Variants in KCNIP1 observed in about 807,000 individuals in gnomAD.
KCNIP1 encodes the protein A-type potassium channel modulatory protein KCNIP1.
KCNIP1 carries 18 observed loss-of-function variants against 33.0 expected under a neutral mutation model. The ratio of observed to expected loss-of-function variants is 0.55; its 90% confidence interval spans 0.38 to 0.81. The LOEUF is 0.81. Among genes scored for constraint, KCNIP1 ranks in the 30% least tolerant of loss-of-function variants. The pLI is 0.00. For missense variants in KCNIP1, 238 were observed against 271.6 expected (o/e 0.88, Z 0.87); for synonymous variants, 93 against 98.3 (o/e 0.95, Z 0.32).
At chr5:170,494,126 C>T (rs1757264327) in intron 1 of KCNIP1, among the ~76,000 whole-genome samples, 1 of 152,204 alleles carries the variant, frequency 6.6e-6, no homozygotes, top group Non-Finnish European at 1.5e-5. Flanking sequence ...CACTCAGTAG[C>T]CTTGATTCCC....
chr5:170,514,235 G>A (rs1439749011), intron 1 of KCNIP1, among the ~76,000 whole-genome samples: 1 of 152,198 alleles, frequency 6.6e-6, no homozygotes, highest in Non-Finnish European at 1.5e-5. Flanking sequence ...GGATGTTCTG[G>A]TGGAGACCAT....
intron 1 of KCNIP1, among the ~76,000 whole-genome samples, chr5:170,529,094 G>A (rs1459167478): frequency 1.3e-5 from 2 of 152,188 alleles, no homozygotes; most frequent in African/African-American, 2.4e-5. Context: ...GGGTTTATTG[G>A]TTCATGTAAT....
chr5:170,581,581 G>A (rs1241660775), intron 1 of KCNIP1, among the ~76,000 whole-genome samples: 2 of 152,256 alleles, frequency 1.3e-5, no homozygotes, highest in African/African-American at 4.8e-5. Context: ...TGTGTACCAA[G>A]GGTTTGGCAG....
At chr5:170,726,611 C>A (rs928463046) in intron 5 of KCNIP1, among the ~76,000 whole-genome samples, 2 of 151,892 alleles carry the variant, frequency 1.3e-5, no homozygotes, top group Non-Finnish European at 2.9e-5. Context: ...CCCAGAAATC[C>A]CATTCCAGTC....
chr5:170,572,386 A>G (rs1757445891), intron 1 of KCNIP1, among the ~76,000 whole-genome samples: 1 of 152,188 alleles, frequency 6.6e-6, no homozygotes, highest in Non-Finnish European at 1.5e-5. Flanking sequence ...GGGACCTCCA[A>G]TACCCGGAAT....
intron 5 of KCNIP1, among the ~76,000 whole-genome samples, chr5:170,728,244 G>C (rs1425335408): frequency 6.6e-6 from 1 of 152,106 alleles, no homozygotes; most frequent in African/African-American, 2.4e-5. Context: ...AAGAAAAGAT[G>C]AGGCAAGAAA....
intron 1 of KCNIP1, among the ~76,000 whole-genome samples, chr5:170,562,302 G>A (rs1045252265): frequency 2.0e-5 from 3 of 152,130 alleles, no homozygotes; most frequent in East Asian, 1.9e-4. Context: ...GCCTAGGAGT[G>A]CACAGGGGTT....
intron 3 of KCNIP1, 178 bp from the exon 4 acceptor site, chr5:170,721,655 C>T: frequency 1.5e-6 from 2 of 1,347,246 alleles, no homozygotes; most frequent in Non-Finnish European, 2.1e-6. Context: ...TTTGCTAGAT[C>T]TAACTTCACA....
chr5:170,642,584 G>C (rs940406207), intron 1 of KCNIP1, among the ~76,000 whole-genome samples: 1 of 152,178 alleles, frequency 6.6e-6, no homozygotes, highest in African/African-American at 2.4e-5. Context: ...CTGCAGGCCA[G>C]CGCTCCCATG....
chr5:170,430,318 T>C (rs1755713356), intron 1 of KCNIP1, among the ~76,000 whole-genome samples: 1 of 152,198 alleles, frequency 6.6e-6, no homozygotes, highest in South Asian at 2.1e-4. Context: ...ATGATTTACA[T>C]TTACTGTCTC....
intron 1 of KCNIP1, among the ~76,000 whole-genome samples, chr5:170,482,451 A>G (rs2113167867): frequency 6.6e-6 from 1 of 152,320 alleles, no homozygotes; most frequent in African/African-American, 2.4e-5. Context: ...TATATCATAA[A>G]ACCCTTACAA....
intron 1 of KCNIP1, among the ~76,000 whole-genome samples, chr5:170,638,184 C>T (rs939735744): frequency 2.0e-5 from 3 of 152,138 alleles, no homozygotes; most frequent in African/African-American, 4.8e-5. Context: ...CAAGCCTCAA[C>T]AGCCTGCTCA....
At chr5:170,653,681 T>TTCTC (rs147435186) in intron 1 of KCNIP1, among the ~76,000 whole-genome samples, 3 of 150,372 alleles carry the variant, frequency 2.0e-5, no homozygotes, top group African/African-American at 7.3e-5. Flanking sequence ...CTCAGTCTCC[T>TTCTC]TCTCTCTCTC....
intron 1 of KCNIP1, among the ~76,000 whole-genome samples, chr5:170,718,426 G>T (rs994274072): frequency 1.6e-4 from 25 of 152,150 alleles, no homozygotes; most frequent in South Asian, 4.1e-4. Flanking sequence ...TATTCAGAAG[G>T]TTCCATGGGA....
At chr5:170,427,019 G>A (rs1471588574) in intron 1 of KCNIP1, among the ~76,000 whole-genome samples, 2 of 152,250 alleles carry the variant, frequency 1.3e-5, no homozygotes, top group African/African-American at 4.8e-5. Context: ...GTGGGGAGCT[G>A]AGGGCAAGAC....
intron 1 of KCNIP1, among the ~76,000 whole-genome samples, chr5:170,451,770 T>TGTGTGTG (rs1215207951): frequency 2.4e-4 from 36 of 147,682 alleles, no homozygotes; most frequent in Middle Eastern, 3.6e-3. Flanking sequence ...TGTGTGTGTG[T>TGTGTGTG]TTGCAGGGGG....
intron 1 of KCNIP1, among the ~76,000 whole-genome samples, chr5:170,384,385 C>T (rs1005311517): frequency 6.6e-6 from 1 of 152,158 alleles, no homozygotes; most frequent in African/African-American, 2.4e-5. Context: ...CTAAAAGGAG[C>T]AGATGTAGAA....
chr5:170,713,659 T>C (rs1365656730), intron 1 of KCNIP1, among the ~76,000 whole-genome samples: 1 of 152,186 alleles, frequency 6.6e-6, no homozygotes, highest in Non-Finnish European at 1.5e-5. Flanking sequence ...TTAAGATACA[T>C]TTTACAGGTC....
chr5:170,501,249 T>C (rs1459753037), upstream of KCNIP1, among the ~76,000 whole-genome samples: 1 of 151,840 alleles, frequency 6.6e-6, no homozygotes, highest in Non-Finnish European at 1.5e-5. Flanking sequence ...TATTCCAGGG[T>C]AAGCAGCAGG....
Sources: allele counts gnomAD v4.1 joint callset (sites outside exome capture counted in the v4.1 genomes callset), GRCh38; gene constraint gnomAD v4.1.1; transcripts MANE v1.5; gene names NCBI Gene and HGNC (gene_info 2026-07-23, HGNC 2026-07-21).